Variants in SLC25A48 observed in about 807,000 individuals in gnomAD.
The protein encoded by SLC25A48 is CTC-321K16.1.
A neutral mutation model predicts 32.2 loss-of-function variants in SLC25A48; 29 were observed. That is an observed-to-expected ratio of 0.90 (90% CI 0.67 to 1.23). The LOEUF (loss-of-function observed/expected upper bound fraction) is 1.23, where lower values mean the gene tolerates loss of function less well. Ranked by LOEUF, SLC25A48 falls within the 50% of genes most tolerant of loss-of-function variation. The pLI, the probability that SLC25A48 is intolerant of heterozygous loss-of-function variation, is 0.00. For missense variants in SLC25A48, 399 were observed against 422.7 expected (o/e 0.94, Z 0.49); for synonymous variants, 164 against 172.3 (o/e 0.95, Z 0.38).
At chr5:135,666,380 C>T (rs149047984) in intron 3 of SLC25A48, among the ~76,000 whole-genome samples, 2 of 152,234 alleles carry the variant, frequency 1.3e-5, no homozygotes, top group African/African-American at 4.8e-5. Flanking sequence ...GTAAAATACC[C>T]CGGGGATCTG....
At chr5:135,743,488 C>G (rs2127002468) in intron 3 of SLC25A48, among the ~76,000 whole-genome samples, 1 of 152,210 alleles carries the variant, frequency 6.6e-6, no homozygotes, top group Middle Eastern at 3.4e-3. Flanking sequence ...AAAGAATAAT[C>G]CTGCTCCAAA....
intron 1 of SLC25A48, among the ~76,000 whole-genome samples, chr5:135,595,813 C>A (rs1751636681): frequency 6.6e-6 from 1 of 152,228 alleles, no homozygotes; most frequent in Non-Finnish European, 1.5e-5. Flanking sequence ...ATAGTACATG[C>A]TCCATACCTG....
chr5:135,630,588 C>CTTTTTTTTTTTTTTT (rs869088370), intron 2 of SLC25A48, among the ~76,000 whole-genome samples: 1 of 58,928 alleles, frequency 1.7e-5, no homozygotes, highest in Non-Finnish European at 3.1e-5. Flanking sequence ...GGCTGGGCAC[C>CTTTTTTTTTTTTTTT]TTTTTTTTTT....
At chr5:135,615,921 G>A (rs944346430) in intron 1 of SLC25A48, among the ~76,000 whole-genome samples, 5 of 152,228 alleles carry the variant, frequency 3.3e-5, no homozygotes, top group Admixed American at 3.3e-4. Flanking sequence ...CTGCATCTCA[G>A]CTGCTCCAGC....
At chr5:135,587,046 T>C (rs1260083744) in intron 1 of SLC25A48, among the ~76,000 whole-genome samples, 1 of 152,126 alleles carries the variant, frequency 6.6e-6, no homozygotes, top group Non-Finnish European at 1.5e-5. Context: ...GTTTTGTTTT[T>C]TTGAGACAGG....
intron 3 of SLC25A48, among the ~76,000 whole-genome samples, chr5:135,710,880 G>A (rs1273932757): frequency 3.8e-4 from 2 of 5,270 alleles, no homozygotes; most frequent in Non-Finnish European, 7.1e-4. Flanking sequence ...CCTCCTCGAA[G>A]TATTTTTTTC....
chr5:135,773,384 C>G (rs1232695435), intron 3 of SLC25A48, among the ~76,000 whole-genome samples: 1 of 150,594 alleles, frequency 6.6e-6, no homozygotes, highest in Non-Finnish European at 1.5e-5. Flanking sequence ...TGTACACCCC[C>G]TGTGACAATA....
At chr5:135,733,667 G>T (rs953502382) in intron 3 of SLC25A48, among the ~76,000 whole-genome samples, 4 of 152,202 alleles carry the variant, frequency 2.6e-5, no homozygotes, top group Non-Finnish European at 4.4e-5. Flanking sequence ...GGATAAAAAG[G>T]CTACAGGGTG....
chr5:135,757,047 A>T (rs1755929922), intron 3 of SLC25A48, among the ~76,000 whole-genome samples: 1 of 150,242 alleles, frequency 6.7e-6, no homozygotes, highest in Non-Finnish European at 1.5e-5. Context: ...TATGTATATG[A>T]TATGATATCT....
chr5:135,758,255 G>A (rs1315176703), intron 3 of SLC25A48, among the ~76,000 whole-genome samples: 2 of 150,518 alleles, frequency 1.3e-5, no homozygotes, highest in Admixed American at 6.6e-5. Flanking sequence ...TATCCCTAGT[G>A]TTTTTAACAC....
chr5:135,882,791 G>T (rs1478481836), intron 7 of SLC25A48, among the ~76,000 whole-genome samples: 1 of 152,168 alleles, frequency 6.6e-6, no homozygotes, highest in Non-Finnish European at 1.5e-5. Context: ...GTGCTGGTCT[G>T]CCCTCGGTCC....
chr5:135,806,692 T>A (rs562197033), intron 3 of SLC25A48, among the ~76,000 whole-genome samples: 2 of 150,278 alleles, frequency 1.3e-5, no homozygotes, highest in East Asian at 4.0e-4. Context: ...ATATCATGGA[T>A]ATTTCATTAA....
In SLC25A48 at chr5:135,852,704, A is replaced by G; in HGVS notation, c.304A>G (p.Thr102Ala). 1 of 1,614,106 alleles carries G rather than the reference A, an allele frequency of 6.2e-7. No homozygotes were observed. The highest frequency in any genetic ancestry group is 1.1e-5 in the South Asian group (1 of 91,076). ...GGAGCCAGAGGCCAGTCCTCCCCGC[A>G]CGCTGTCAGACCTGCTCCTGGCCAG... ...CGEPEASPPRTLSDLLLASMV... is the reference protein window; with the variant it reads ...CGEPEASPPRALSDLLLASMV... Residue 102 changes from threonine (T) to alanine (A), a missense_variant, in exon 4 of 8, where the codon ACG becomes GCG. Thr to Ala is a moderately conservative substitution (Grantham distance 58). Coordinates refer to ENST00000681962, the MANE Select transcript of SLC25A48 (RefSeq NM_001349336.2).
At chr5:135,662,673 C>T (rs1479728235) in intron 3 of SLC25A48, among the ~76,000 whole-genome samples, 1 of 141,220 alleles carries the variant, frequency 7.1e-6, no homozygotes, top group Non-Finnish European at 1.5e-5. Context: ...ATTCTCTTTG[C>T]CGTCTTGCAG....
chr5:135,677,760 C>T (rs984807292), intron 3 of SLC25A48, among the ~76,000 whole-genome samples: 2 of 152,116 alleles, frequency 1.3e-5, no homozygotes, highest in African/African-American at 2.4e-5. Context: ...TTTTATTTGT[C>T]CTTCATTTGT....
At chr5:135,852,923 GCAT>G in intron 4 of SLC25A48, 102 bp downstream of exon 4, 4 of 1,439,852 alleles carry the variant, frequency 2.8e-6, no homozygotes, top group Non-Finnish European at 3.7e-6. Flanking sequence ...ATTGAGCAAG[GCAT>G]CTACCTTGTC....
intron 3 of SLC25A48, among the ~76,000 whole-genome samples, chr5:135,753,368 C>T (rs981877141): frequency 8.6e-5 from 13 of 151,838 alleles, no homozygotes; most frequent in African/African-American, 2.4e-4. Context: ...ATCTCGAGGA[C>T]GTTATGCTTA....
At chr5:135,755,637 T>C (rs1755881071) in intron 3 of SLC25A48, among the ~76,000 whole-genome samples, 1 of 152,096 alleles carries the variant, frequency 6.6e-6, no homozygotes, top group Non-Finnish European at 1.5e-5. Flanking sequence ...AATATCGCTG[T>C]GATATTTATC....
intron 4 of SLC25A48, among the ~76,000 whole-genome samples, chr5:135,869,474 T>C (rs1263875169): frequency 6.6e-6 from 1 of 152,178 alleles, no homozygotes; most frequent in African/African-American, 2.4e-5. Context: ...GGTGGGTGTT[T>C]TCCCATCTGT....
Sources: gnomAD v4.1 joint callset for allele counts (sites outside exome capture counted in the v4.1 genomes callset) on GRCh38, gnomAD v4.1.1 for gene constraint, MANE v1.5 for transcripts, NCBI Gene and HGNC (gene_info 2026-07-23, HGNC 2026-07-21) for gene names.